The following FAM200C variants were observed in gnomAD, a reference collection of about 807,000 sequenced individuals.
At chr5:160,396,183 T>A in the FAM200C span, among the ~76,000 whole-genome samples, 1 of 142,002 alleles carries the variant, frequency 7.0e-6, no homozygotes, top group Non-Finnish European at 1.5e-5. Flanking sequence ...CCTTTACCCA[T>A]CACTCCATTA....
chr5:160,394,132 T>C, the FAM200C span: 4 of 1,613,662 alleles, frequency 2.5e-6, no homozygotes, highest in African/African-American at 4.0e-5. Flanking sequence ...AGTTGCTCAA[T>C]TGTTGCAGAT....
chr5:160,395,622 A>G, the FAM200C span: 4 of 731,656 alleles, frequency 5.5e-6, no homozygotes, highest in South Asian at 4.9e-5. Context: ...GCTATCTTGT[A>G]TATGTCAAGA....
At chr5:160,393,644 A>G in the FAM200C span, 1 of 1,219,876 alleles carries the variant, frequency 8.2e-7, no homozygotes, top group Non-Finnish European at 1.1e-6. Context: ...AAGAGACAGA[A>G]TTACAGCTTA....
At chr5:160,393,717 TCTG>T in the FAM200C span, 4 of 1,548,962 alleles carry the variant, frequency 2.6e-6, no homozygotes, top group Non-Finnish European at 3.5e-6. Flanking sequence ...TACAGTGACT[TCTG>T]CTGTAGCTGT....
chr5:160,399,480 T>C, the FAM200C span, among the ~76,000 whole-genome samples: 2 of 152,170 alleles, frequency 1.3e-5, no homozygotes, highest in Admixed American at 1.3e-4. Flanking sequence ...ATTTAACCAT[T>C]ACATTTTACA....
chr5:160,398,603 A>G, the FAM200C span, among the ~76,000 whole-genome samples: 1 of 152,196 alleles, frequency 6.6e-6, no homozygotes, highest in Non-Finnish European at 1.5e-5. Flanking sequence ...CACCTTGACT[A>G]TGTCTCTCAA....
the FAM200C span, chr5:160,394,679 CAAT>C: frequency 6.2e-7 from 1 of 1,614,106 alleles, no homozygotes. Flanking sequence ...ATTCAATAAA[CAAT>C]GTGTAACTAC....
chr5:160,394,591 G>A, the FAM200C span: 3 of 1,614,150 alleles, frequency 1.9e-6, no homozygotes, highest in African/African-American at 1.3e-5. Context: ...TCCCTTTGAT[G>A]AAATTTATTA....
the FAM200C span, chr5:160,393,823 T>C: frequency 6.2e-7 from 1 of 1,611,492 alleles, no homozygotes; most frequent in Non-Finnish European, 8.5e-7. Flanking sequence ...TTCTGGACTT[T>C]GTTTTGAAAT....
chr5:160,393,809 C>T, the FAM200C span: 1 of 1,603,614 alleles, frequency 6.2e-7, no homozygotes, highest in Non-Finnish European at 8.5e-7. Flanking sequence ...CAGATTAAAG[C>T]AGCTTCTGGA....
chr5:160,397,038 C>G, the FAM200C span, among the ~76,000 whole-genome samples: 10 of 152,206 alleles, frequency 6.6e-5, no homozygotes, highest in African/African-American at 2.4e-4. Context: ...GTAACTAGAA[C>G]AGTGATCTGT....
chr5:160,395,520 A>G, the FAM200C span: 1 of 1,569,324 alleles, frequency 6.4e-7, no homozygotes, highest in South Asian at 1.1e-5. Flanking sequence ...GTAGTATTCC[A>G]GAGATGCCAC....
the FAM200C span, among the ~76,000 whole-genome samples, chr5:160,396,698 GAA>G: frequency 2.1e-5 from 1 of 48,398 alleles, no homozygotes; most frequent in African/African-American, 7.0e-5. Flanking sequence ...AGTCTCTGTG[GAA>G]AAAAAAAAAA....
At chr5:160,398,523 G>A in the FAM200C span, among the ~76,000 whole-genome samples, 1 of 152,202 alleles carries the variant, frequency 6.6e-6, no homozygotes, top group Non-Finnish European at 1.5e-5. Context: ...GGGTGACGGA[G>A]TGAGACTCTG....
At chr5:160,394,701 G>T in the FAM200C span, 8 of 1,614,128 alleles carry the variant, frequency 5.0e-6, no homozygotes, top group Non-Finnish European at 6.8e-6. Context: ...ACGATATGAG[G>T]TATCTCTTTT....
chr5:160,395,103 G>C, the FAM200C span: 1 of 1,613,964 alleles, frequency 6.2e-7, no homozygotes, highest in South Asian at 1.1e-5. Flanking sequence ...TGTGCATCTG[G>C]TCCCAAAACT....
the FAM200C span, among the ~76,000 whole-genome samples, chr5:160,399,196 G>T: frequency 1.3e-5 from 2 of 152,188 alleles, no homozygotes; most frequent in Non-Finnish European, 2.9e-5. Flanking sequence ...ATTATCTTCA[G>T]ATGCTTAATG....
the FAM200C span, chr5:160,393,443 T>C: frequency 2.5e-6 from 1 of 399,378 alleles, no homozygotes. Context: ...TGCTTAGGTA[T>C]CTTTTTCATA....
the FAM200C span, chr5:160,394,902 CT>C: frequency 1.2e-4 from 186 of 1,612,720 alleles, no homozygotes; most frequent in Non-Finnish European, 1.4e-4. Context: ...ATCTCTCTTT[CT>C]TTTATATAGC....
Sources: gnomAD v4.1 joint callset for allele counts (sites outside exome capture counted in the v4.1 genomes callset) on GRCh38, gnomAD v4.1.1 for gene constraint, MANE v1.5 for transcripts.